VRTN: variants seen among roughly 807,000 people sequenced by gnomAD.
VRTN encodes vertnin.
A neutral mutation model predicts 18.2 loss-of-function variants in VRTN; 5 were observed. The observed-to-expected ratio is 0.27, with a 90% CI of 0.14 to 0.58. VRTN has a LOEUF of 0.58. Among genes scored for constraint, VRTN ranks in the 20% least tolerant of loss-of-function variants. The pLI is 0.91. For missense variants in VRTN, 741 were observed against 939.4 expected (o/e 0.79, Z 2.76); for synonymous variants, 381 against 393.7 (o/e 0.97, Z 0.38).
At chr14:74,352,858 C>A (rs1041278650) in intron 1 of VRTN, among the ~76,000 whole-genome samples, 53 of 152,290 alleles carry the variant, frequency 3.5e-4, no homozygotes, top group African/African-American at 1.2e-3. Flanking sequence ...ATGGTCCCTC[C>A]CCTAATGTAA....
At chr14:74,345,891 T>A, upstream of VRTN, among the ~76,000 whole-genome samples, 1 of 134,840 alleles carries the variant, frequency 7.4e-6, no homozygotes. Context: ...GCCACTGCAC[T>A]CCAGCCTGGG....
In VRTN at chr14:74,320,921, AAGC is replaced by A. The variant is rs889641548; in HGVS notation, c.-163-16782_-163-16780del. ...TTTAAAAAAAAAAAAAAAAAAAAAA[AAGC>A]AGCAGCAGCAGCAGCAGCAAGGGTG... On this transcript the variant is annotated intron_variant, in intron 1 of 2. Transcript: ENST00000557177. Among the ~76,000 whole-genome samples, 335 of 144,088 alleles carry A rather than the reference AAGC, an allele frequency of 2.3e-3. 1 individual carries two copies. Among genetic ancestry groups the A allele is most frequent in the African/African-American group, 8.4e-3 (308 of 36,654 alleles). The allele number at this position is 144,088 out of a possible 152,430, so 94.5% of individuals were successfully genotyped here.
At chr14:74,338,809 C>A (rs1319566136) in intron 2 of VRTN, among the ~76,000 whole-genome samples, 1 of 152,182 alleles carries the variant, frequency 6.6e-6, no homozygotes, top group African/African-American at 2.4e-5. Flanking sequence ...ACTGCAACCT[C>A]CGCCTCCTGG....
upstream of VRTN, among the ~76,000 whole-genome samples, chr14:74,347,625 C>T (rs2085652125): frequency 6.6e-6 from 1 of 152,194 alleles, no homozygotes; most frequent in African/African-American, 2.4e-5. Flanking sequence ...CTGGAAAGCC[C>T]CTTGGGGGGA....
intron 1 of VRTN, among the ~76,000 whole-genome samples, chr14:74,306,743 C>T (rs1371736394): frequency 6.6e-6 from 1 of 150,874 alleles, no homozygotes; most frequent in Non-Finnish European, 1.5e-5. Flanking sequence ...TACAGGTATG[C>T]GCCAACATGC....
At chr14:74,336,348 A>G (rs2085564278) in intron 1 of VRTN, among the ~76,000 whole-genome samples, 1 of 152,068 alleles carries the variant, frequency 6.6e-6, no homozygotes, top group Admixed American at 6.6e-5. Context: ...CGGAGGTTGC[A>G]GTTAGCCGAG....
At chr14:74,353,717 C>CA (rs1405076475) in intron 1 of VRTN, among the ~76,000 whole-genome samples, 2 of 151,012 alleles carry the variant, frequency 1.3e-5, no homozygotes, top group Non-Finnish European at 1.5e-5. Flanking sequence ...ATTTCCAGAG[C>CA]AAAAAAACTA....
chr14:74,324,838 G>C (rs529153961), intron 1 of VRTN, among the ~76,000 whole-genome samples: 1 of 152,038 alleles, frequency 6.6e-6, no homozygotes. Context: ...AGTGAGTTGA[G>C]ATCTCCCCAC....
At chr14:74,309,874 T>A (rs754300420) in intron 1 of VRTN, among the ~76,000 whole-genome samples, 13 of 152,220 alleles carry the variant, frequency 8.5e-5, no homozygotes, top group Non-Finnish European at 1.3e-4. Context: ...GGAAAATAAT[T>A]TGGTAATAAC....
chr14:74,353,680 C>G (rs1477111539), intron 1 of VRTN, among the ~76,000 whole-genome samples: 2 of 151,460 alleles, frequency 1.3e-5, no homozygotes, highest in African/African-American at 4.9e-5. Context: ...TATACAGTAA[C>G]AAATAATCAT....
At chr14:74,343,509 C>A (rs745322187), upstream of VRTN, among the ~76,000 whole-genome samples, 5 of 152,182 alleles carry the variant, frequency 3.3e-5, no homozygotes, top group African/African-American at 1.2e-4. Context: ...TACGGCTATA[C>A]TTGTACATGT....
At chr14:74,322,043 T>C (rs1258164933) in intron 1 of VRTN, among the ~76,000 whole-genome samples, 3 of 151,486 alleles carry the variant, frequency 2.0e-5, no homozygotes, top group Non-Finnish European at 4.4e-5. Flanking sequence ...AGACGGGGTT[T>C]CACCATGTTG....
chr14:74,351,131 AAAAAC>A (rs2085680272), intron 1 of VRTN, among the ~76,000 whole-genome samples: 3 of 152,240 alleles, frequency 2.0e-5, no homozygotes, highest in African/African-American at 7.2e-5. Flanking sequence ...ATAATGCAAG[AAAAAC>A]AAAAACCCAA....
At chr14:74,349,751 C>T (rs1393713618) in intron 1 of VRTN, among the ~76,000 whole-genome samples, 1 of 152,064 alleles carries the variant, frequency 6.6e-6, no homozygotes, top group Admixed American at 6.6e-5. Flanking sequence ...AATGGGGGAG[C>T]GGGGAGGCTG....
At chr14:74,314,014 G>C (rs1022171686) in intron 1 of VRTN, among the ~76,000 whole-genome samples, 1 of 152,298 alleles carries the variant, frequency 6.6e-6, no homozygotes, top group South Asian at 2.1e-4. Context: ...TAATCTTAGA[G>C]TATTGAAGGG....
intron 1 of VRTN, among the ~76,000 whole-genome samples, chr14:74,318,340 G>C (rs1212827355): frequency 6.6e-6 from 1 of 151,740 alleles, no homozygotes; most frequent in Non-Finnish European, 1.5e-5. Context: ...GCGTGATCTC[G>C]GCTCACCGCA....
rs67822776 is a variant in VRTN at position 74,303,843 on chromosome 14, A to ATTTTTTTTTTTT, written c.-164+681_-164+692dup. Among the ~76,000 whole-genome samples the ATTTTTTTTTTTT allele has an allele frequency of 2.6e-4, 23 of 88,498 alleles. 2 individuals are homozygous for ATTTTTTTTTTTT. Among genetic ancestry groups the ATTTTTTTTTTTT allele is most frequent in the African/African-American group, 1.1e-3 (22 of 19,342 alleles). The allele number at this position is 88,498 out of a possible 152,430, so 58.1% of individuals were successfully genotyped here. ...TAGGTCAATCAGTTGACAATTACAG[A>ATTTTTTTTTTTT]TTTTTTTTTTTTTTTTTTTTTTTTT... On this transcript the variant is annotated intron_variant, in intron 1 of 2. Coordinates refer to the VRTN transcript ENST00000557177.
chr14:74,336,863 C>A, intron 1 of VRTN, among the ~76,000 whole-genome samples: 1 of 151,970 alleles, frequency 6.6e-6, no homozygotes, highest in Non-Finnish European at 1.5e-5. Context: ...TCCTCTTTTT[C>A]TCCTCTTTTC....
At chr14:74,325,800 A>G (rs887276317) in intron 1 of VRTN, among the ~76,000 whole-genome samples, 1 of 152,156 alleles carries the variant, frequency 6.6e-6, no homozygotes, top group Non-Finnish European at 1.5e-5. Context: ...GAGGAAAGAA[A>G]TATTAATACA....
Sources: gnomAD v4.1 joint callset for allele counts (sites outside exome capture counted in the v4.1 genomes callset) on GRCh38, gnomAD v4.1.1 for gene constraint, MANE v1.5 for transcripts, NCBI Gene and HGNC (gene_info 2026-07-23, HGNC 2026-07-21) for gene names.